Variants in ADGRB3 observed in about 807,000 individuals in gnomAD.
ADGRB3 encodes the protein adhesion G protein-coupled receptor B3, also known as brain-specific angiogenesis inhibitor 3.
In ADGRB3, 37 loss-of-function variants were observed where a neutral mutation model predicts 193.4. That is an observed-to-expected ratio of 0.19 (90% CI 0.15 to 0.25). The LOEUF (loss-of-function observed/expected upper bound fraction) is 0.25, where lower values mean the gene tolerates loss of function less well. Among genes scored for constraint, ADGRB3 ranks in the 10% least tolerant of loss-of-function variants. The pLI is 1.00. For missense variants in ADGRB3, 1,637 were observed against 1,852.9 expected (o/e 0.88, Z 2.14); for synonymous variants, 690 against 644.2 (o/e 1.07, Z -1.08).
intron 5 of ADGRB3, among the ~76,000 whole-genome samples, chr6:68,939,137 C>T (rs1279445934): frequency 6.6e-6 from 1 of 152,140 alleles, no homozygotes; most frequent in African/African-American, 2.4e-5. Flanking sequence ...GCTTCTCCCC[C>T]ACAGAACTGC....
intron 3 of ADGRB3, among the ~76,000 whole-genome samples, chr6:68,659,629 T>C (rs540042196): frequency 6.6e-6 from 1 of 151,214 alleles, no homozygotes; most frequent in African/African-American, 2.4e-5. Flanking sequence ...TATTTTTATA[T>C]GTTATCTTTT....
At chr6:68,781,437 A>C (rs1476707017) in intron 3 of ADGRB3, among the ~76,000 whole-genome samples, 3 of 152,138 alleles carry the variant, frequency 2.0e-5, no homozygotes, top group African/African-American at 7.2e-5. Context: ...TTATAGTTTC[A>C]AAATGCTTTT....
chr6:69,289,994 G>A (rs890336291), intron 20 of ADGRB3, among the ~76,000 whole-genome samples: 4 of 151,944 alleles, frequency 2.6e-5, no homozygotes, highest in African/African-American at 7.3e-5. Flanking sequence ...TTTTCTTAGT[G>A]GAAGCTTGTG....
intron 3 of ADGRB3, among the ~76,000 whole-genome samples, chr6:68,738,976 T>A (rs971920600): frequency 1.3e-5 from 2 of 152,128 alleles, no homozygotes; most frequent in Non-Finnish European, 2.9e-5. Context: ...GAGACTAACA[T>A]GAACTGGTCA....
Position 69,372,401 on chromosome 6 carries a change from T to C in ADGRB3, c.4240-5T>C. 1 of 1,362,756 alleles carries C rather than the reference T, an allele frequency of 7.3e-7. No individual in the cohort carries two copies. Among genetic ancestry groups the C allele is most frequent in the Non-Finnish European group, 1.0e-6 (1 of 994,168 alleles). The allele number at this position is 1,362,756 out of a possible 1,614,324, so 84.4% of individuals were successfully genotyped here. A position where few individuals can be genotyped will look rare whatever the true frequency, so the allele number is the denominator to read the frequency against. ...TCTCCTTCTTTTTAAAAATATATCT[T>C]ACAGAGAAGAAAATCACGATATTCA... On this transcript the variant is annotated splice_region_variant and splice_polypyrimidine_tract_variant and intron_variant, in intron 29 of 31. Coordinates refer to ENST00000370598, the MANE Select transcript of ADGRB3 (RefSeq NM_001704.3).
At position 69,354,255 on chromosome 6, in the gene ADGRB3, G is replaced by A. The variant is rs369475329; in HGVS notation, c.3482G>A (p.Arg1161Gln). 4.5e-5 allele frequency: 73 copies of A among 1,613,768 alleles called. No individual in the cohort carries two copies. Among genetic ancestry groups the A allele is most frequent in the Non-Finnish European group, 4.2e-5 (50 of 1,179,866 alleles). The change falls in exon 27 of 32, where the codon CGA becomes CAA. Residue 1161 changes from arginine (R) to glutamine (Q), a missense_variant. This residue lies in a region of ADGRB3 where 116 missense variants were observed against 168.1 expected (regional missense o/e 0.69). Coordinates refer to ENST00000370598, the MANE Select transcript of ADGRB3 (RefSeq NM_001704.3). ...RREVQDAFRC[R>Q]LRNCQDPINA... ...CAGGTTCAGGATGCATTTAGATGCC[G>A]ATTGAGAAACTGTCAGGATCCCATC...
chr6:68,761,457 A>G (rs1253256479), intron 3 of ADGRB3, among the ~76,000 whole-genome samples: 3 of 151,304 alleles, frequency 2.0e-5, no homozygotes, highest in Non-Finnish European at 4.4e-5. Flanking sequence ...CAGTTACTAC[A>G]TATTTCTTTG....
At chr6:69,149,142 A>G (rs1457205511) in intron 17 of ADGRB3, among the ~76,000 whole-genome samples, 1 of 152,028 alleles carries the variant, frequency 6.6e-6, no homozygotes, top group African/African-American at 2.4e-5. Flanking sequence ...CCATCTCTCT[A>G]CTTCCCCTTT....
intron 20 of ADGRB3, among the ~76,000 whole-genome samples, chr6:69,241,452 A>G (rs1350723830): frequency 6.6e-6 from 1 of 151,920 alleles, no homozygotes; most frequent in Non-Finnish European, 1.5e-5. Context: ...GCTACATTTC[A>G]AATGTCCAAT....
At chr6:68,807,570 T>C (rs372697032) in intron 3 of ADGRB3, among the ~76,000 whole-genome samples, 5 of 152,072 alleles carry the variant, frequency 3.3e-5, no homozygotes, top group African/African-American at 1.2e-4. Flanking sequence ...ACGACAGTGA[T>C]GAGTGATATG....
intron 23 of ADGRB3, chr6:69,332,671 G>A: frequency 3.0e-6 from 3 of 985,362 alleles, no homozygotes; most frequent in African/African-American, 1.7e-5. Context: ...GGCAATTGAA[G>A]GTTAATTTCC....
At chr6:68,803,027 C>T (rs1256298016) in intron 3 of ADGRB3, among the ~76,000 whole-genome samples, 1 of 152,038 alleles carries the variant, frequency 6.6e-6, no homozygotes, top group Non-Finnish European at 1.5e-5. Context: ...CTTTGTGTTT[C>T]TTGTTTTTAA....
At chr6:69,127,428 T>G (rs1034792648) in intron 17 of ADGRB3, among the ~76,000 whole-genome samples, 9 of 152,212 alleles carry the variant, frequency 5.9e-5, no homozygotes, top group Non-Finnish European at 1.0e-4. Flanking sequence ...TGTCCTTTCT[T>G]TAATCACCAA....
chr6:69,258,638 A>T (rs1352437053), intron 20 of ADGRB3, among the ~76,000 whole-genome samples: 2 of 152,384 alleles, frequency 1.3e-5, no homozygotes, highest in East Asian at 3.9e-4. Flanking sequence ...TTACAATGAA[A>T]TGTTACAAAC....
At chr6:69,068,399 T>C (rs1375584493) in intron 16 of ADGRB3, among the ~76,000 whole-genome samples, 3 of 152,196 alleles carry the variant, frequency 2.0e-5, no homozygotes, top group Non-Finnish European at 4.4e-5. Flanking sequence ...AATTAATCTA[T>C]TTCTTTATTA....
intron 17 of ADGRB3, among the ~76,000 whole-genome samples, chr6:69,185,441 A>G (rs1765046829): frequency 6.6e-6 from 1 of 152,182 alleles, no homozygotes; most frequent in Non-Finnish European, 1.5e-5. Flanking sequence ...CTGAAACACC[A>G]GATTAGAGCA....
chr6:68,769,312 G>T (rs1766570695), intron 3 of ADGRB3, among the ~76,000 whole-genome samples: 1 of 152,122 alleles, frequency 6.6e-6, no homozygotes, highest in African/African-American at 2.4e-5. Flanking sequence ...ATGATAGACT[G>T]GATAAATAAA....
At chr6:68,815,016 C>A (rs1036697801) in intron 3 of ADGRB3, among the ~76,000 whole-genome samples, 1 of 152,054 alleles carries the variant, frequency 6.6e-6, no homozygotes, top group Non-Finnish European at 1.5e-5. Context: ...TATGTCAAAC[C>A]CACAGCCAAT....
intron 3 of ADGRB3, among the ~76,000 whole-genome samples, chr6:68,703,736 C>A (rs1210063324): frequency 6.6e-6 from 1 of 152,126 alleles, no homozygotes; most frequent in Non-Finnish European, 1.5e-5. Flanking sequence ...AATTCTCCTG[C>A]CTCAGCCTCC....
Sources: allele counts gnomAD v4.1 joint callset (sites outside exome capture counted in the v4.1 genomes callset), GRCh38; gene constraint gnomAD v4.1.1; regional missense constraint gnomAD v4.1.1; transcripts MANE v1.5; gene names NCBI Gene and HGNC (gene_info 2026-07-23, HGNC 2026-07-21).